SORCS2: variants seen among roughly 807,000 people sequenced by gnomAD.
The protein encoded by SORCS2 is sortilin related VPS10 domain containing receptor 2.
In SORCS2, 100 loss-of-function variants were observed where a neutral mutation model predicts 141.6. That is an observed-to-expected ratio of 0.71 (90% CI 0.60 to 0.83). SORCS2 has a LOEUF of 0.83. Among genes scored for constraint, SORCS2 ranks in the 40% least tolerant of loss-of-function variants. SORCS2 has a pLI of 0.00. For missense variants in SORCS2, 1,646 were observed against 1,560.2 expected (o/e 1.05, Z -0.93); for synonymous variants, 789 against 676.9 (o/e 1.17, Z -2.57).
At chr4:7,300,174 C>T (rs1323325291) in intron 1 of SORCS2, among the ~76,000 whole-genome samples, 2 of 152,122 alleles carry the variant, frequency 1.3e-5, no homozygotes, top group African/African-American at 2.4e-5. Context: ...TGGGTTCTTG[C>T]ACTGAGGGTG....
At chr4:7,231,882 G>A (rs949966248) in intron 1 of SORCS2, among the ~76,000 whole-genome samples, 9 of 152,176 alleles carry the variant, frequency 5.9e-5, no homozygotes, top group Admixed American at 5.9e-4. Context: ...GATTGGGAGA[G>A]ACCCAGGCTC....
At chr4:7,428,066 A>T (rs1040611297) in intron 2 of SORCS2, among the ~76,000 whole-genome samples, 1 of 152,160 alleles carries the variant, frequency 6.6e-6, no homozygotes, top group African/African-American at 2.4e-5. Flanking sequence ...CCCAGACTCC[A>T]TCCAGCCGTC....
rs1727473661 is a variant in SORCS2, at chr4:7,201,327, A to G, written c.480+8201A>G. Among the ~76,000 whole-genome samples, 1 of 152,226 alleles carries G rather than the reference A, an allele frequency of 6.6e-6. No homozygotes were observed. Among genetic ancestry groups the G allele is most frequent in the Non-Finnish European group, 1.5e-5 (1 of 68,034 alleles). On this transcript the variant is annotated intron_variant, in intron 1 of 26. Transcript: ENST00000507866. The surrounding 1 kb of genome is among the most constrained non-coding windows in gnomAD (Gnocchi z 4.4). Reference sequence around the variant, plus strand: ...GTCATAGAGACAGCCCTGTTAATAAAGTTGCTGAGCACATTTCACAAATCC... The same window carrying G: ...GTCATAGAGACAGCCCTGTTAATAAGGTTGCTGAGCACATTTCACAAATCC...
chr4:7,697,296 T>G, intron 12 of SORCS2, 22 bp downstream of exon 12: 2 of 1,560,820 alleles, frequency 1.3e-6, no homozygotes, highest in Non-Finnish European at 1.7e-6. Flanking sequence ...GGGAGGTGCC[T>G]GGTACCCCCC....
chr4:7,405,193 A>G (rs982878233), intron 2 of SORCS2, among the ~76,000 whole-genome samples: 4 of 152,082 alleles, frequency 2.6e-5, no homozygotes, highest in African/African-American at 7.2e-5. Context: ...TGGGTTCTCC[A>G]TTCTGTTCCA....
At chr4:7,195,244 G>A (rs1418426494) in intron 1 of SORCS2, among the ~76,000 whole-genome samples, 3 of 152,106 alleles carry the variant, frequency 2.0e-5, no homozygotes, top group African/African-American at 4.8e-5. Context: ...CTTCTCTTTA[G>A]TGAGGACAGC....
intron 1 of SORCS2, among the ~76,000 whole-genome samples, chr4:7,395,532 C>T (rs1425038605): frequency 6.6e-6 from 1 of 152,158 alleles, no homozygotes; most frequent in Non-Finnish European, 1.5e-5. Context: ...TTATTCCCCA[C>T]CCCCCAACTT....
At chr4:7,485,022 ACTGT>A (rs1324436411) in intron 2 of SORCS2, among the ~76,000 whole-genome samples, 1 of 152,136 alleles carries the variant, frequency 6.6e-6, no homozygotes, top group East Asian at 1.9e-4. Flanking sequence ...TGCAGGGCAG[ACTGT>A]CTGTTCATCC....
intron 2 of SORCS2, among the ~76,000 whole-genome samples, chr4:7,435,616 G>A (rs1727246424): frequency 6.6e-6 from 1 of 152,278 alleles, no homozygotes; most frequent in Non-Finnish European, 1.5e-5. Flanking sequence ...AAGGCTGAGT[G>A]TGGGCTGGTC....
intron 2 of SORCS2, among the ~76,000 whole-genome samples, chr4:7,406,406 A>T (rs1318445310): frequency 1.5e-5 from 2 of 131,882 alleles, no homozygotes; most frequent in Non-Finnish European, 3.3e-5. Context: ...GACAGCTTTG[A>T]TTTTGTTACT....
intron 2 of SORCS2, among the ~76,000 whole-genome samples, chr4:7,448,188 G>A (rs1047356840): frequency 3.3e-5 from 5 of 152,116 alleles, no homozygotes; most frequent in Non-Finnish European, 4.4e-5. Context: ...CTGCTGCTCC[G>A]GGCCCTGTGG....
intron 2 of SORCS2, among the ~76,000 whole-genome samples, chr4:7,414,923 AC>A (rs1305032706): frequency 6.6e-6 from 1 of 151,838 alleles, no homozygotes; most frequent in Non-Finnish European, 1.5e-5. Context: ...TCCTCACAAA[AC>A]GGGGTTGGGT....
intron 2 of SORCS2, among the ~76,000 whole-genome samples, chr4:7,414,883 A>G (rs1288882767): frequency 1.3e-5 from 2 of 152,094 alleles, no homozygotes; most frequent in Non-Finnish European, 1.5e-5. Flanking sequence ...GCTCCTTTGA[A>G]ATGCTGAGGA....
chr4:7,387,627 G>GCACA (rs147471470), intron 1 of SORCS2, among the ~76,000 whole-genome samples: 27 of 91,570 alleles, frequency 2.9e-4, no homozygotes, highest in South Asian at 1.3e-3. Flanking sequence ...ATACACATTT[G>GCACA]CACACACGCA....
chr4:7,543,126 T>C (rs1483408173), intron 3 of SORCS2, among the ~76,000 whole-genome samples: 1 of 152,196 alleles, frequency 6.6e-6, no homozygotes, highest in Non-Finnish European at 1.5e-5. Flanking sequence ...GGACACAGGA[T>C]GGCACAGAGC....
intron 3 of SORCS2, among the ~76,000 whole-genome samples, chr4:7,564,956 A>G (rs919234087): frequency 2.6e-5 from 4 of 152,170 alleles, no homozygotes; most frequent in Non-Finnish European, 4.4e-5. Flanking sequence ...GGAAGTGGCC[A>G]CTGGCCACTC....
At chr4:7,276,535 T>G (rs1715512618) in intron 1 of SORCS2, among the ~76,000 whole-genome samples, 1 of 152,154 alleles carries the variant, frequency 6.6e-6, no homozygotes, top group Non-Finnish European at 1.5e-5. Context: ...GAGAGGGCTG[T>G]GAGGCCCCCT....
At chr4:7,300,978 G>C (rs1717391621) in intron 1 of SORCS2, among the ~76,000 whole-genome samples, 1 of 152,152 alleles carries the variant, frequency 6.6e-6, no homozygotes, top group South Asian at 2.1e-4. Context: ...GTGCCTTCCT[G>C]CCTCTTCTGT....
chr4:7,466,350 G>C (rs2109335341), intron 2 of SORCS2, among the ~76,000 whole-genome samples: 1 of 152,276 alleles, frequency 6.6e-6, no homozygotes, highest in South Asian at 2.1e-4. Context: ...GTTATGGGCT[G>C]GTCCACCATG....
Sources: gnomAD v4.1 joint callset for allele counts (sites outside exome capture counted in the v4.1 genomes callset) on GRCh38, gnomAD v4.1.1 for gene constraint, Gnocchi (gnomAD v3.1) non-coding constraint, MANE v1.5 for transcripts, NCBI Gene and HGNC (gene_info 2026-07-23, HGNC 2026-07-21) for gene names.